The following HLA-DPA1 variants were observed in gnomAD, a reference collection of about 807,000 sequenced individuals.
The protein encoded by HLA-DPA1 is major histocompatibility complex, class II, DP alpha 1.
In HLA-DPA1, 20 loss-of-function variants were observed where a neutral mutation model predicts 21.5. That is an observed-to-expected ratio of 0.93 (90% CI 0.66 to 1.35). The LOEUF is 1.35. Among genes scored for constraint, HLA-DPA1 ranks in the 40% most tolerant of loss-of-function variants. HLA-DPA1 has a pLI of 0.00. For missense variants in HLA-DPA1, 279 were observed against 323.0 expected, an observed-to-expected ratio of 0.86 and a Z score of 1.05; for synonymous variants, 123 against 129.6, an observed-to-expected ratio of 0.95 and a Z score of 0.35.
At chr6:33,068,660 C>G (rs144045930) in exon 5 of HLA-DPA1, 6 of 1,612,526 alleles carry the variant, frequency 3.7e-6, no homozygotes, top group East Asian at 4.5e-5. Context: ...TCACAGGGTC[C>G]CCTGGGCCCG....
chr6:33,079,854 T>G, intron 1 of HLA-DPA1: 1 of 346,192 alleles, frequency 2.9e-6, no homozygotes, highest in Non-Finnish European at 5.6e-6. Context: ...GCTAAGAAAA[T>G]GAGTAGAAAG....
At chr6:33,076,709 T>C (rs1430156605) in intron 1 of HLA-DPA1, among the ~76,000 whole-genome samples, 1 of 151,996 alleles carries the variant, frequency 6.6e-6, no homozygotes, top group East Asian at 1.9e-4. Flanking sequence ...CCCCAGAACT[T>C]GGTTAGGGTA....
intron 5 of HLA-DPA1, chr6:33,067,486 G>A (rs750833637): frequency 6.6e-6 from 1 of 152,170 alleles, no homozygotes; most frequent in Non-Finnish European, 1.5e-5. Context: ...CCCAACAGAA[G>A]CAGATGCTAG....
At chr6:33,069,174 A>G (rs2308930) in exon 4 of HLA-DPA1, 339,244 of 1,602,908 alleles carry the variant, frequency 0.21, 47,203 homozygotes, top group East Asian at 0.64. Context: ...CTCAGTGACC[A>G]GCTCCCCGTT....
intron 5 of HLA-DPA1, chr6:33,067,889 G>T (rs201379120): frequency 0.09 from 13,680 of 152,080 alleles, 1,522 homozygotes; most frequent in East Asian, 0.55. Context: ...CACCAATGAT[G>T]ATCATATAAT....
exon 2 of HLA-DPA1, chr6:33,073,513 A>T (rs747858970): frequency 8.7e-6 from 14 of 1,612,952 alleles, no homozygotes; most frequent in Admixed American, 6.7e-5. Flanking sequence ...AGGAAAGCCA[A>T]GGAGAGGGCT....
At chr6:33,079,829 G>A in intron 1 of HLA-DPA1, 1 of 430,908 alleles carries the variant, frequency 2.3e-6, no homozygotes, top group South Asian at 1.8e-5. Context: ...ACCAACCCCA[G>A]TACCAGGGTG....
intron 1 of HLA-DPA1, among the ~76,000 whole-genome samples, chr6:33,078,398 A>T (rs1762664793): frequency 6.6e-6 from 1 of 152,114 alleles, no homozygotes. Flanking sequence ...CTCCACACAC[A>T]TCCCCAACCT....
chr6:33,068,877 T>C, intron 4 of HLA-DPA1, 73 bp from the exon 4 acceptor site: 3 of 1,566,534 alleles, frequency 1.9e-6, no homozygotes, highest in African/African-American at 1.4e-5. Context: ...GTTGTGGGAA[T>C]TGAAGGTTAT....
rs2567283 is a variant in HLA-DPA1, at chr6:33,080,478, G to A, written c.-100+202C>T. The A allele has an allele frequency of 5.0e-3, 3,884 of 773,684 alleles. 113 individuals carry two copies. The African/African-American group carries it at 0.06, about 12-fold the overall frequency. The allele number at this position is 773,684 out of a possible 1,614,324, so 47.9% of individuals were successfully genotyped here. On this transcript the variant is annotated intron_variant, in intron 1 of 5. Coordinates refer to ENST00000419277, the Ensembl canonical transcript of HLA-DPA1. The surrounding 1 kb of genome is among the most constrained non-coding windows in gnomAD (Gnocchi z 4.3). ...TCTTTTCAGTAAATTCTCTCTCTGC[G>A]TGGTGAGAAAACAGGCCTGGAGAGG...
chr6:33,071,184 A>C (rs917295036), intron 2 of HLA-DPA1, among the ~76,000 whole-genome samples: 2 of 151,208 alleles, frequency 1.3e-5, no homozygotes, highest in African/African-American at 4.9e-5. Context: ...TGTAATTGTA[A>C]GTGTCTAGAG....
intron 5 of HLA-DPA1, chr6:33,065,737 T>C (rs899542609): frequency 4.7e-5 from 7 of 150,176 alleles, no homozygotes; most frequent in Non-Finnish European, 1.0e-4. Flanking sequence ...TTGCTCACAT[T>C]GTGTATACTG....
At chr6:33,069,656 T>A (rs773927209) in exon 3 of HLA-DPA1, 1 of 1,612,130 alleles carries the variant, frequency 6.2e-7, no homozygotes, top group Non-Finnish European at 8.5e-7. Flanking sequence ...GTGGCCTGAG[T>A]GTGGTTGGAA....
chr6:33,068,526 T>G, intron 5 of HLA-DPA1, 112 bp downstream of exon 4: 2 of 802,178 alleles, frequency 2.5e-6, no homozygotes, highest in Non-Finnish European at 4.0e-6. Flanking sequence ...GTTGTTGTTA[T>G]GTGGCTGAAT....
rs977239901 is a variant in HLA-DPA1, at chr6:33,071,705, G to A, written c.100+1766C>T. On this transcript the variant is annotated intron_variant, in intron 2 of 5. Coordinates refer to ENST00000419277, the Ensembl canonical transcript of HLA-DPA1. ...GGTTCAGAAGGATAAGTGCAGATAC[G>A]TAGGTATACACAAGATGCGACCAAA... Among the ~76,000 whole-genome samples the A allele has an allele frequency of 7.4e-4, 113 of 152,292 alleles. No individual in the cohort carries two copies. In the East Asian group the frequency reaches 0.019, roughly 25 times the overall value.
intron 1 of HLA-DPA1, chr6:33,079,918 T>C (rs960666138): frequency 1.5e-5 from 4 of 263,958 alleles, no homozygotes; most frequent in Non-Finnish European, 3.0e-5. Context: ...CAAAAAAAAT[T>C]ACATCAATGC....
At chr6:33,075,915 C>G in intron 1 of HLA-DPA1, 2 of 675,182 alleles carry the variant, frequency 3.0e-6, no homozygotes. Flanking sequence ...CAGACTCTGT[C>G]CAATCCCAGG....
chr6:33,076,221 T>A, intron 1 of HLA-DPA1: 1 of 962,788 alleles, frequency 1.0e-6, no homozygotes, highest in Non-Finnish European at 1.6e-6. Flanking sequence ...GGGATCAAAT[T>A]CTGAGACAGG....
At chr6:33,073,869 T>C in intron 1 of HLA-DPA1, 1 of 341,216 alleles carries the variant, frequency 2.9e-6, no homozygotes. Flanking sequence ...TGTAAAAAGA[T>C]AAGTTACACC....
Sources: allele counts gnomAD v4.1 joint callset (sites outside exome capture counted in the v4.1 genomes callset), GRCh38; gene constraint gnomAD v4.1.1; non-coding constraint Gnocchi (gnomAD v3.1); transcripts MANE v1.5; gene names NCBI Gene and HGNC (gene_info 2026-07-23, HGNC 2026-07-21).